The following NEIL3 variants were observed in gnomAD, a reference collection of about 807,000 sequenced individuals.
NEIL3 encodes endonuclease 8-like 3.
NEIL3 carries 48 observed loss-of-function variants against 57.5 expected under a neutral mutation model. That is an observed-to-expected ratio of 0.83 (90% CI 0.66 to 1.06). NEIL3 has a LOEUF of 1.06. Ranked by LOEUF, NEIL3 falls within the 50% of genes least tolerant of loss-of-function variation. The pLI is 0.00. For missense variants in NEIL3, 717 were observed against 739.1 expected, an observed-to-expected ratio of 0.97 and a Z score of 0.35; for synonymous variants, 261 against 253.2, an observed-to-expected ratio of 1.03 and a Z score of -0.29.
chr4:177,343,670 A>G (rs1362374169), intron 6 of NEIL3: 2 of 152,110 alleles, frequency 1.3e-5, no homozygotes, highest in South Asian at 2.1e-4. Flanking sequence ...ACAGCACTCT[A>G]TATCTTCTTC....
intron 2 of NEIL3, among the ~76,000 whole-genome samples, chr4:177,324,019 A>G (rs180919207): frequency 8.5e-4 from 129 of 152,306 alleles, no homozygotes; most frequent in Non-Finnish European, 1.5e-3. Flanking sequence ...ATTGGATGTA[A>G]CAATTCAAGG....
At position 177,309,893 on chromosome 4, in the gene NEIL3, GT is replaced by G. The variant is rs1219818887; in HGVS notation, c.-59del. ...GCGGTCAGTGCCCGCGCAGCGTTGA[GT>G]TGCACAGCGGTATTCTCACCAGGCC... On this transcript the variant is annotated 5_prime_UTR_variant, in exon 1 of 10. Coordinates refer to ENST00000264596, the MANE Select transcript of NEIL3 (RefSeq NM_018248.3). 3 of 1,553,542 alleles carry G rather than the reference GT, an allele frequency of 1.9e-6. No individual in the cohort carries two copies. The African/African-American group carries it at 4.2e-5, about 22-fold the overall frequency.
intron 8 of NEIL3, among the ~76,000 whole-genome samples, chr4:177,358,670 A>C (rs1350713239): frequency 6.6e-6 from 1 of 152,146 alleles, no homozygotes; most frequent in Admixed American, 6.5e-5. Flanking sequence ...AAGTGAAGGC[A>C]GAGAGATGAC....
intron 1 of NEIL3, 140 bp downstream of exon 1, chr4:177,310,249 GTCACTT>G: frequency 9.9e-7 from 1 of 1,013,882 alleles, no homozygotes; most frequent in Non-Finnish European, 1.4e-6. Flanking sequence ...AGAGTTTATC[GTCACTT>G]TACTGTAGGG....
intron 2 of NEIL3, among the ~76,000 whole-genome samples, 200 bp downstream of exon 2, chr4:177,322,780 A>G (rs1734712882): frequency 6.6e-6 from 1 of 152,156 alleles, no homozygotes; most frequent in South Asian, 2.1e-4. Flanking sequence ...CATCACTTGG[A>G]AGACAGTCAT....
intron 6 of NEIL3, among the ~76,000 whole-genome samples, chr4:177,348,315 C>T (rs1735265195): frequency 6.6e-6 from 1 of 152,122 alleles, no homozygotes; most frequent in Non-Finnish European, 1.5e-5. Context: ...CCTCAGGTGC[C>T]TCAGGTTCCC....
chr4:177,329,756 A>G (rs1162227339), intron 2 of NEIL3, among the ~76,000 whole-genome samples: 2 of 152,150 alleles, frequency 1.3e-5, no homozygotes, highest in East Asian at 1.9e-4. Context: ...CCAACAACAC[A>G]TGCTTTTCAA....
At chr4:177,318,954 G>A (rs1212619779) in intron 1 of NEIL3, among the ~76,000 whole-genome samples, 2 of 152,316 alleles carry the variant, frequency 1.3e-5, no homozygotes, top group Non-Finnish European at 2.9e-5. Context: ...AGTTTATCCA[G>A]GTAAACAGCC....
chr4:177,309,997 G>A lies in NEIL3; in HGVS notation c.44G>A (p.Arg15His). Residue 15 changes from arginine to histidine, a missense_variant, in exon 1 of 10, where the codon CGC (arginine) becomes CAC (histidine). Transcript: ENST00000264596. Reference sequence around the variant, plus strand: ...TGTACTCTGAATGGAGAGAAGATTCGCGCGCGGGTGCTCCCGGGCCAGGCG... The same window carrying A: ...TGTACTCTGAATGGAGAGAAGATTCACGCGCGGGTGCTCCCGGGCCAGGCG... The part of the protein sequence containing the change: ...PGCTLNGEKI[R>H]ARVLPGQAVT... 1 of 1,610,858 alleles carries A rather than the reference G, an allele frequency of 6.2e-7. No individual in the cohort carries two copies. Among genetic ancestry groups the A allele is most frequent in the Non-Finnish European group, 8.5e-7 (1 of 1,178,960 alleles).
chr4:177,321,897 C>A (rs1457084180), intron 1 of NEIL3, among the ~76,000 whole-genome samples: 2 of 152,116 alleles, frequency 1.3e-5, no homozygotes, highest in African/African-American at 4.8e-5. Context: ...CAATCAATGC[C>A]CTTAGGATAG....
At chr4:177,348,445 C>G (rs1735270947) in intron 6 of NEIL3, among the ~76,000 whole-genome samples, 1 of 152,124 alleles carries the variant, frequency 6.6e-6, no homozygotes, top group Admixed American at 6.5e-5. Flanking sequence ...TCAGGTCCTT[C>G]TCCTCAAGCC....
intron 4 of NEIL3, among the ~76,000 whole-genome samples, chr4:177,336,934 G>T (rs1325769435): frequency 6.6e-6 from 1 of 152,198 alleles, no homozygotes; most frequent in Admixed American, 6.5e-5. Context: ...AGTGATCAGT[G>T]AGGAAATGAA....
At position 177,340,813 on chromosome 4, in the gene NEIL3, A is replaced by T. The variant is rs28693404; in HGVS notation, c.703-663A>T. Among the ~76,000 whole-genome samples, 347 of 152,302 alleles carry T rather than the reference A, an allele frequency of 2.3e-3. 2 individuals carry two copies. The highest frequency in any genetic ancestry group is 7.9e-3 in the African/African-American group (328 of 41,562). ...AAACTCAAGATATTTTCTTTGTAGGAGCCTTAAATATTTGTGAGTGGAATA... is the reference window on the plus strand; with the variant it reads ...AAACTCAAGATATTTTCTTTGTAGGTGCCTTAAATATTTGTGAGTGGAATA... On this transcript the variant is annotated intron_variant, in intron 5 of 9. Transcript: ENST00000264596.
At chr4:177,316,982 C>A (rs977013780) in intron 1 of NEIL3, among the ~76,000 whole-genome samples, 1 of 152,006 alleles carries the variant, frequency 6.6e-6, no homozygotes, top group African/African-American at 2.4e-5. Context: ...CAAATACCAT[C>A]GGGTATTAAA....
chr4:177,317,989 C>T (rs1212528049), intron 1 of NEIL3, among the ~76,000 whole-genome samples: 2 of 152,118 alleles, frequency 1.3e-5, no homozygotes, highest in African/African-American at 2.4e-5. Context: ...AGGCATAAAT[C>T]CTGGAAATAA....
intron 2 of NEIL3, among the ~76,000 whole-genome samples, chr4:177,332,329 TACCTCACCTTCAACA>T (rs536149520): frequency 0.022 from 3,353 of 152,288 alleles, 57 homozygotes; most frequent in Non-Finnish European, 0.033. Context: ...CTTTTGCTTC[TACCTCACCTTCAACA>T]GGCCAGGGTA....
At chr4:177,354,029 G>A (rs1378587952) in intron 8 of NEIL3, 3 of 269,158 alleles carry the variant, frequency 1.1e-5, no homozygotes, top group South Asian at 5.4e-5. Flanking sequence ...GCCTCTCAAG[G>A]TGCTGGGATT....
chr4:177,329,156 TA>T (rs2110898901), intron 2 of NEIL3, among the ~76,000 whole-genome samples: 1 of 152,184 alleles, frequency 6.6e-6, no homozygotes, highest in East Asian at 1.9e-4. Flanking sequence ...ATAGAAGTTT[TA>T]AAAATGCTCA....
At position 177,362,511 on chromosome 4, in the gene NEIL3, G is replaced by T. The variant is rs767286633; in HGVS notation, c.*40G>T. 10 of 1,466,178 alleles carry T rather than the reference G, an allele frequency of 6.8e-6. No homozygotes were observed. The highest frequency in any genetic ancestry group is 9.3e-6 in the Non-Finnish European group (10 of 1,074,280). 90.8% of individuals were successfully genotyped at this position (1,466,178 alleles called of 1,614,324 possible). A position where few individuals can be genotyped will look rare whatever the true frequency, so the allele number is the denominator to read the frequency against. On this transcript the variant is annotated 3_prime_UTR_variant, in exon 10 of 10. Transcript: ENST00000264596. The stretch of plus-strand genomic sequence containing the variant: ...CTGGCATTTAGTCTCTTCAAACTGT[G>T]TATAATGTTTGGTCCTCCTCTGTTT...
Sources: allele counts gnomAD v4.1 joint callset (sites outside exome capture counted in the v4.1 genomes callset), GRCh38; gene constraint gnomAD v4.1.1; transcripts MANE v1.5; gene names NCBI Gene and HGNC (gene_info 2026-07-23, HGNC 2026-07-21).